The following BACE2 variants were observed in gnomAD, a reference collection of about 807,000 sequenced individuals.
The protein encoded by BACE2 is 56 kDa aspartic-like protease.
A neutral mutation model predicts 46.2 loss-of-function variants in BACE2; 17 were observed. The observed-to-expected ratio is 0.37, with a 90% CI of 0.25 to 0.55. BACE2 has a LOEUF of 0.55. Among genes scored for constraint, BACE2 ranks in the 20% least tolerant of loss-of-function variants. BACE2 has a pLI of 0.82. For missense variants in BACE2, 595 were observed against 698.1 expected (o/e 0.85, Z 1.66); for synonymous variants, 277 against 295.9 (o/e 0.94, Z 0.66).
chr21:41,254,483 T>G (rs1987724540), intron 7 of BACE2, among the ~76,000 whole-genome samples: 1 of 152,232 alleles, frequency 6.6e-6, no homozygotes, highest in Non-Finnish European at 1.5e-5. Flanking sequence ...CTCTGCCCTT[T>G]AAGGCTAATC....
intron 1 of BACE2, chr21:41,186,756 G>C (rs1264476412): frequency 6.6e-6 from 1 of 152,290 alleles, no homozygotes; most frequent in Non-Finnish European, 1.5e-5. Context: ...TTGCAGATCA[G>C]GGCTGCTCCA....
intron 1 of BACE2, among the ~76,000 whole-genome samples, chr21:41,209,055 T>C (rs1986218349): frequency 2.0e-5 from 3 of 152,182 alleles, no homozygotes; most frequent in African/African-American, 4.8e-5. Context: ...AAACGTTCTG[T>C]CGTGCGGTTA....
At chr21:41,226,508 A>G (rs1986823231) in intron 2 of BACE2, among the ~76,000 whole-genome samples, 154 bp downstream of exon 2, 1 of 152,268 alleles carries the variant, frequency 6.6e-6, no homozygotes, top group African/African-American at 2.4e-5. Context: ...GGACATGTGT[A>G]TGCATATGTA....
intron 5 of BACE2, among the ~76,000 whole-genome samples, 178 bp downstream of exon 5, chr21:41,243,688 C>G (rs1987371370): frequency 6.6e-6 from 1 of 152,110 alleles, no homozygotes; most frequent in Admixed American, 6.6e-5. Flanking sequence ...ATTGTCCTCC[C>G]TCCCCACCCC....
chr21:41,226,861 A>G (rs1466645109), intron 2 of BACE2, among the ~76,000 whole-genome samples: 1 of 152,210 alleles, frequency 6.6e-6, no homozygotes, highest in East Asian at 1.9e-4. Context: ...GGTTTGCAAC[A>G]CTCATTTGGA....
At chr21:41,266,496 A>G (rs1025239428) in intron 8 of BACE2, among the ~76,000 whole-genome samples, 2 of 152,244 alleles carry the variant, frequency 1.3e-5, no homozygotes, top group African/African-American at 4.8e-5. Flanking sequence ...GTGTCCGCAG[A>G]CCATGAGAAT....
rs1984448827 is a variant in BACE2, at chr21:41,168,189, G to A, written c.-75G>A. Reference sequence around the variant, plus strand: ...CTGCCCGCAGCCCCGCGCGCCGGCCGAGTCGCTGAGCCGCGGCTGCCGGAC... The same window carrying A: ...CTGCCCGCAGCCCCGCGCGCCGGCCAAGTCGCTGAGCCGCGGCTGCCGGAC... On this transcript the variant is annotated 5_prime_UTR_variant, in exon 1 of 9. Transcript: ENST00000330333. 1 of 905,020 alleles carries A rather than the reference G, an allele frequency of 1.1e-6. No individual in the cohort carries two copies. Among genetic ancestry groups the A allele is most frequent in the Admixed American group, 5.5e-5 (1 of 18,228 alleles). The allele number at this position is 905,020 out of a possible 1,614,324, so 56.1% of individuals were successfully genotyped here. A position where few individuals can be genotyped will look rare whatever the true frequency, so the allele number is the denominator to read the frequency against.
At chr21:41,173,242 T>A (rs1984668623) in intron 1 of BACE2, among the ~76,000 whole-genome samples, 1 of 152,266 alleles carries the variant, frequency 6.6e-6, no homozygotes, top group Admixed American at 6.5e-5. Flanking sequence ...CCTCACCTTT[T>A]AATTGTTAAT....
intron 1 of BACE2, among the ~76,000 whole-genome samples, chr21:41,214,026 C>T (rs548958244): frequency 9.8e-5 from 15 of 152,292 alleles, no homozygotes; most frequent in East Asian, 3.9e-4. Context: ...CACGTGGAAC[C>T]GGCGCTAGTG....
At chr21:41,265,658 T>C (rs1005449969) in intron 8 of BACE2, among the ~76,000 whole-genome samples, 2 of 152,234 alleles carry the variant, frequency 1.3e-5, no homozygotes, top group Admixed American at 1.3e-4. Context: ...ATTCTTTTTT[T>C]GTATTAATTT....
intron 1 of BACE2, chr21:41,179,498 C>T (rs5019195): frequency 1.1e-4 from 124 of 1,111,020 alleles, no homozygotes; most frequent in Non-Finnish European, 1.3e-4. Flanking sequence ...TGAGGAGTGA[C>T]GGTGTCTGGG....
chr21:41,187,472 A>G (rs916302349), intron 1 of BACE2, among the ~76,000 whole-genome samples: 2 of 152,236 alleles, frequency 1.3e-5, no homozygotes, highest in Non-Finnish European at 2.9e-5. Flanking sequence ...TTGAGGAATG[A>G]AAGATCGAAT....
At chr21:41,173,469 C>T (rs1283683755) in intron 1 of BACE2, among the ~76,000 whole-genome samples, 3 of 152,128 alleles carry the variant, frequency 2.0e-5, no homozygotes, top group Non-Finnish European at 4.4e-5. Context: ...AGGCGGGGCG[C>T]GGTGGCTCAT....
intron 8 of BACE2, among the ~76,000 whole-genome samples, chr21:41,273,043 C>T (rs572360660): frequency 1.4e-4 from 22 of 152,238 alleles, no homozygotes; most frequent in Non-Finnish European, 2.9e-4. Context: ...TCGGCAGGTT[C>T]GTGATGCCCC....
chr21:41,170,333 C>T (rs1434257825), intron 1 of BACE2, among the ~76,000 whole-genome samples: 2 of 152,126 alleles, frequency 1.3e-5, no homozygotes, highest in African/African-American at 4.8e-5. Flanking sequence ...TACCTAGGCT[C>T]CTGTCTTTAC....
At chr21:41,238,623 A>G (rs1987198018) in intron 3 of BACE2, among the ~76,000 whole-genome samples, 1 of 152,146 alleles carries the variant, frequency 6.6e-6, no homozygotes, top group Non-Finnish European at 1.5e-5. Flanking sequence ...CTATGCAGCC[A>G]TAAAAAATGA....
chr21:41,224,553 G>T (rs73366435), intron 1 of BACE2, among the ~76,000 whole-genome samples: 1 of 152,128 alleles, frequency 6.6e-6, no homozygotes, highest in Non-Finnish European at 1.5e-5. Context: ...CTATATCTAC[G>T]TGGTCTGTGT....
At chr21:41,169,707 A>G (rs570403322) in intron 1 of BACE2, among the ~76,000 whole-genome samples, 3 of 152,336 alleles carry the variant, frequency 2.0e-5, no homozygotes, top group African/African-American at 4.8e-5. Context: ...TTCTTTTAAA[A>G]AAGGAAACTG....
chr21:41,273,932 C>A (rs2088458568), intron 8 of BACE2, among the ~76,000 whole-genome samples: 1 of 152,198 alleles, frequency 6.6e-6, no homozygotes, highest in Non-Finnish European at 1.5e-5. Context: ...GTTCGGGGTC[C>A]CTGACTTCCC....
Sources: allele counts gnomAD v4.1 joint callset (sites outside exome capture counted in the v4.1 genomes callset), GRCh38; gene constraint gnomAD v4.1.1; transcripts MANE v1.5; gene names NCBI Gene and HGNC (gene_info 2026-07-23, HGNC 2026-07-21).